Variants in C18orf63 observed in about 807,000 individuals in gnomAD.
C18orf63 encodes the protein chromosome 18 open reading frame 63.
A neutral mutation model predicts 75.3 loss-of-function variants in C18orf63; 50 were observed. The ratio of observed to expected loss-of-function variants is 0.66; its 90% CI spans 0.53 to 0.84. The LOEUF (loss-of-function observed/expected upper bound fraction) is 0.84. Among genes scored for constraint, C18orf63 ranks in the 40% least tolerant of loss-of-function variants. The pLI, the probability that C18orf63 is intolerant of heterozygous loss-of-function variation, is 0.00. For missense variants in C18orf63, 732 were observed against 800.2 expected (o/e 0.91, Z 1.03); for synonymous variants, 232 against 267.6 (o/e 0.87, Z 1.30).
At chr18:74,320,481 A>G (rs1018240166) in intron 2 of C18orf63, 32 bp from the exon 3 acceptor site, 17 of 1,429,496 alleles carry the variant, frequency 1.2e-5, no homozygotes, top group African/African-American at 1.4e-5. Context: ...AAACCATACC[A>G]GTCCACTTTG....
At chr18:74,345,562 T>A (rs113200943) in intron 11 of C18orf63, among the ~76,000 whole-genome samples, 41 of 152,260 alleles carry the variant, frequency 2.7e-4, no homozygotes, top group African/African-American at 9.6e-4. Flanking sequence ...TGTAATGTGA[T>A]GTAGGGAGTC....
chr18:74,329,808 G>A (rs1024472634), intron 6 of C18orf63, among the ~76,000 whole-genome samples: 3 of 152,148 alleles, frequency 2.0e-5, no homozygotes, highest in African/African-American at 7.2e-5. Context: ...GATTTGCACA[G>A]TTGTGTTTCA....
intron 7 of C18orf63, among the ~76,000 whole-genome samples, chr18:74,332,645 G>A (rs1230470448): frequency 2.0e-5 from 3 of 151,660 alleles, no homozygotes; most frequent in Non-Finnish European, 4.4e-5. Context: ...GGAGGCAGAG[G>A]TAGCAGTGAG....
At chr18:74,327,833 AG>A (rs746821445) in intron 4 of C18orf63, 113 bp from the exon 5 acceptor site, 2 of 651,082 alleles carry the variant, frequency 3.1e-6, no homozygotes, top group Non-Finnish European at 5.4e-6. Context: ...AGTTTTACCT[AG>A]AACACCCGAG....
chr18:74,345,221 AC>A (rs141616345), intron 11 of C18orf63, among the ~76,000 whole-genome samples: 24,939 of 151,760 alleles, frequency 0.16, 2,142 homozygotes, highest in Admixed American at 0.21. Flanking sequence ...CTACTGTGTT[AC>A]GTGTTTGTTT....
intron 7 of C18orf63, among the ~76,000 whole-genome samples, chr18:74,334,062 G>A (rs1984353223): frequency 6.6e-6 from 1 of 151,976 alleles, no homozygotes; most frequent in African/African-American, 2.4e-5. Flanking sequence ...TAGGTCCTGT[G>A]TTATTCATTT....
intron 11 of C18orf63, among the ~76,000 whole-genome samples, chr18:74,352,422 T>C (rs761047815): frequency 2.6e-5 from 4 of 152,148 alleles, no homozygotes; most frequent in Non-Finnish European, 5.9e-5. Flanking sequence ...TTTATGTGTA[T>C]GTGTGTGTGT....
chr18:74,330,558 A>G (rs1245757760), intron 6 of C18orf63, among the ~76,000 whole-genome samples: 1 of 152,018 alleles, frequency 6.6e-6, no homozygotes, highest in East Asian at 1.9e-4. Flanking sequence ...TATATGTCAG[A>G]TTTGTGTAAG....
rs1984772805 is a variant in C18orf63 at position 74,356,759 on chromosome 18, T to C, written c.*312T>C. ...TGATCTTATACAGTAGTTTTGATAG[T>C]TGAAAATATCTTTATTTTGCCCTTA... On this transcript the variant is annotated 3_prime_UTR_variant, in exon 14 of 14. Coordinates refer to ENST00000579455, the MANE Select transcript of C18orf63 (RefSeq NM_001174123.2). 1 of 152,196 alleles carries C rather than the reference T, an allele frequency of 6.6e-6. No individual in the cohort carries two copies. The highest frequency in any genetic ancestry group is 6.5e-5 in the Admixed American group (1 of 15,278). The allele number at this position is 152,196 out of a possible 1,614,324, so 9.4% of individuals were successfully genotyped here.
At chr18:74,317,456 A>T (rs181719024) in intron 1 of C18orf63, among the ~76,000 whole-genome samples, 146 of 152,334 alleles carry the variant, frequency 9.6e-4, no homozygotes, top group Admixed American at 7.5e-3. Context: ...CTGAAACAAC[A>T]AAAGACTTTG....
At chr18:74,322,647 TTA>T (rs148436042) in intron 3 of C18orf63, 49 bp from the exon 4 acceptor site, 6,449 of 574,874 alleles carry the variant, frequency 0.011, 122 homozygotes, top group South Asian at 0.06. Context: ...CATTATTTAA[TTA>T]TATATATATA....
chr18:74,331,320 G>A (rs1026220651), intron 7 of C18orf63, among the ~76,000 whole-genome samples: 44 of 152,108 alleles, frequency 2.9e-4, no homozygotes, highest in African/African-American at 1.1e-3. Context: ...CCCTGCCCTT[G>A]ATATTCTGGT....
chr18:74,321,443 T>C (rs1418479070), intron 3 of C18orf63, among the ~76,000 whole-genome samples: 3 of 152,116 alleles, frequency 2.0e-5, no homozygotes, highest in Non-Finnish European at 4.4e-5. Flanking sequence ...TAGCTAGGAC[T>C]ACAGGTGCAT....
Position 74,354,133 on chromosome 18 carries a change from A to C in C18orf63, c.1866A>C (p.Thr622=). 1.3e-6 allele frequency: 2 copies of C among 1,536,334 alleles called. No individual in the cohort carries two copies. The highest frequency in any genetic ancestry group is 2.4e-5 in the South Asian group (2 of 84,060). ...AAAATCAAGCTAAAGAAGTTGGTACAAGTGACCACAGGTTGATAGTAAGCA... is the reference window on the plus strand; with the variant it reads ...AAAATCAAGCTAAAGAAGTTGGTACCAGTGACCACAGGTTGATAGTAAGCA... ...QSENQAKEVG[T]SDHRLIVSKI... The change falls in exon 12 of 14, where the codon ACA becomes ACC. Residue 622 remains threonine, a synonymous_variant. Coordinates refer to ENST00000579455, the MANE Select transcript of C18orf63 (RefSeq NM_001174123.2).
At chr18:74,320,242 T>C (rs1164987923) in intron 2 of C18orf63, among the ~76,000 whole-genome samples, 1 of 152,132 alleles carries the variant, frequency 6.6e-6, no homozygotes, top group Non-Finnish European at 1.5e-5. Flanking sequence ...AAACTTAAAA[T>C]CATGTCAGAA....
chr18:74,328,124 T>A (rs1984240066), intron 5 of C18orf63, 66 bp downstream of exon 5: 1 of 915,566 alleles, frequency 1.1e-6, no homozygotes. Flanking sequence ...TGTGTATTAG[T>A]CTATTCTCAT....
At chr18:74,344,082 T>C (rs183052031) in intron 11 of C18orf63, among the ~76,000 whole-genome samples, 100 of 152,162 alleles carry the variant, frequency 6.6e-4, no homozygotes, top group African/African-American at 2.3e-3. Flanking sequence ...TCAAGTAAGT[T>C]GGGGCTTCTA....
chr18:74,329,266 T>C lies in C18orf63; in HGVS notation c.424+230T>C, dbSNP rs548143755. 3.1e-3 allele frequency among the ~76,000 whole-genome samples: 469 copies of C among 151,558 alleles called. 2 individuals carry two copies. The highest frequency in any genetic ancestry group is 4.3e-3 in the Non-Finnish European group (293 of 67,910). On this transcript the variant is annotated intron_variant, in intron 6 of 13. Coordinates refer to ENST00000579455, the MANE Select transcript of C18orf63 (RefSeq NM_001174123.2). Reference sequence around the variant, plus strand: ...GCACCACACCTGTAGCCCCGTCTACTTGGGAGGCTGAAGTGGAGAGCCAGT... The same window carrying C: ...GCACCACACCTGTAGCCCCGTCTACCTGGGAGGCTGAAGTGGAGAGCCAGT...
At chr18:74,339,055 G>C (rs1185789551) in intron 8 of C18orf63, among the ~76,000 whole-genome samples, 1 of 151,618 alleles carries the variant, frequency 6.6e-6, no homozygotes. Flanking sequence ...ATTAGATCTA[G>C]TTTCAAAAAA....
Sources: allele counts gnomAD v4.1 joint callset (sites outside exome capture counted in the v4.1 genomes callset), GRCh38; gene constraint gnomAD v4.1.1; transcripts MANE v1.5; gene names NCBI Gene and HGNC (gene_info 2026-07-23, HGNC 2026-07-21).